The following DCP2 variants were observed in gnomAD, a reference collection of about 807,000 sequenced individuals.
DCP2 encodes m7GpppN-mRNA hydrolase.
DCP2 carries 30 observed loss-of-function variants against 56.1 expected under a neutral mutation model. The observed-to-expected ratio is 0.53, with a 90% CI of 0.40 to 0.73. The LOEUF (loss-of-function observed/expected upper bound fraction) is 0.73. DCP2 is among the 30% of genes least tolerant of loss of function. DCP2 has a pLI of 0.00. For missense variants in DCP2, 533 were observed against 502.7 expected, an observed-to-expected ratio of 1.06 and a Z score of -0.58; for synonymous variants, 197 against 163.3, an observed-to-expected ratio of 1.21 and a Z score of -1.57.
At chr5:112,981,839 C>T (rs887027709) in intron 1 of DCP2, among the ~76,000 whole-genome samples, 2 of 152,140 alleles carry the variant, frequency 1.3e-5, no homozygotes, top group African/African-American at 4.8e-5. Flanking sequence ...GATGTGGTCT[C>T]AGCTCACTGC....
At chr5:113,013,112 A>G (rs1378663396) in intron 10 of DCP2, among the ~76,000 whole-genome samples, 1 of 152,226 alleles carries the variant, frequency 6.6e-6, no homozygotes, top group South Asian at 2.1e-4. Flanking sequence ...AAGATTTTGA[A>G]TATGTGGAAA....
chr5:112,984,780 C>T (rs187601918), intron 1 of DCP2: 1 of 145,506 alleles, frequency 6.9e-6, no homozygotes, highest in East Asian at 2.0e-4. Flanking sequence ...TCATAGCCCA[C>T]TGCAGCCTTG....
rs79046710 is a variant in DCP2, at chr5:112,986,060, C to T, written c.205+74C>T. ...TTTAGCACAAATTTCTTTTTGCTTG[C>T]CTTTTCAGATTTTAAAACTATTAGA... On this transcript the variant is annotated intron_variant, in intron 2 of 10. Transcript: ENST00000389063. The T allele has an allele frequency of 3.5e-3, 4,843 of 1,403,740 alleles. 121 individuals carry two copies. In the African/African-American group the frequency reaches 0.058, roughly 17 times the overall value. 87.0% of individuals were successfully genotyped at this position (1,403,740 alleles called of 1,614,324 possible).
chr5:113,019,008 A>T lies in DCP2; in HGVS notation c.*5524A>T, dbSNP rs561658834. 6.6e-6 allele frequency: 1 copy of T among 152,314 alleles called. No individual in the cohort carries two copies. The highest frequency in any genetic ancestry group is 2.4e-5 in the African/African-American group (1 of 41,552). The allele number at this position is 152,314 out of a possible 1,614,324, so 9.4% of individuals were successfully genotyped here. A position where few individuals can be genotyped will look rare whatever the true frequency, so the allele number is the denominator to read the frequency against. Reference sequence around the variant, plus strand: ...GACTTGTGTGTGGTTCTAGAGTGAAATGGGCAGTGTTCTGCTGGTCCTCAG... The same window carrying T: ...GACTTGTGTGTGGTTCTAGAGTGAATTGGGCAGTGTTCTGCTGGTCCTCAG... On this transcript the variant is annotated 3_prime_UTR_variant, in exon 11 of 11. Transcript: ENST00000389063.
chr5:113,005,151 G>GTGTGTGTGTGTGTGTGTGT (rs1749361092), intron 8 of DCP2, among the ~76,000 whole-genome samples: 8 of 149,420 alleles, frequency 5.4e-5, no homozygotes, highest in Middle Eastern at 3.2e-3. Context: ...TGTGCGTGTG[G>GTGTGTGTGTGTGTGTGTGT]GTGTGTGTGT....
At chr5:112,992,641 A>C in intron 3 of DCP2, 31 bp from the exon 4 acceptor site, 1 of 1,480,926 alleles carries the variant, frequency 6.8e-7, no homozygotes, top group Non-Finnish European at 9.2e-7. Flanking sequence ...AAGGAGGGCA[A>C]GTTTGATTTT....
At chr5:112,988,379 C>G (rs1428674695) in intron 2 of DCP2, among the ~76,000 whole-genome samples, 1 of 150,382 alleles carries the variant, frequency 6.6e-6, no homozygotes, top group Non-Finnish European at 1.5e-5. Context: ...GTAGTCCCAG[C>G]TACTCCGGAG....
chr5:112,996,354 A>AT (rs1336984955), intron 4 of DCP2, among the ~76,000 whole-genome samples: 1 of 151,756 alleles, frequency 6.6e-6, no homozygotes, highest in African/African-American at 2.4e-5. Context: ...ATGAGGAGAG[A>AT]TTTTGTTCTA....
chr5:113,018,671 T>A lies in DCP2; in HGVS notation c.*5187T>A, dbSNP rs1238536270. 1 of 152,268 alleles carries A rather than the reference T, an allele frequency of 6.6e-6. No homozygotes were observed. The highest frequency in any genetic ancestry group is 1.5e-5 in the Non-Finnish European group (1 of 68,066). 9.4% of individuals were successfully genotyped at this position (152,268 alleles called of 1,614,324 possible). On this transcript the variant is annotated 3_prime_UTR_variant, in exon 11 of 11. Transcript: ENST00000389063. The stretch of plus-strand genomic sequence containing the variant: ...GCAGGTGGTTGGGTGGTTTTTGGGT[T>A]ATTGGCTACTGTTCGTTCAGTGCCA...
Position 113,021,175 on chromosome 5 carries a change from C to G in DCP2, c.*7691C>G, listed in dbSNP as rs538443876. ...TGGGTGGATCACGAGGTCAGGAGTT[C>G]GAGACCAGCCTGACCAACATGGTGA... On this transcript the variant is annotated 3_prime_UTR_variant, in exon 11 of 11. Transcript: ENST00000389063. Among the ~76,000 whole-genome samples the G allele has an allele frequency of 4.6e-5, 7 of 152,000 alleles. No homozygotes were observed. In the East Asian group the frequency reaches 1.4e-3, roughly 29 times the overall value.
intron 7 of DCP2, among the ~76,000 whole-genome samples, chr5:113,002,024 G>C (rs534063540): frequency 1.3e-5 from 2 of 152,182 alleles, no homozygotes; most frequent in African/African-American, 2.4e-5. Flanking sequence ...TTCTAAAGAC[G>C]TTTGGATGGA....
At chr5:112,990,577 C>A (rs892056154) in intron 2 of DCP2, among the ~76,000 whole-genome samples, 6 of 151,980 alleles carry the variant, frequency 3.9e-5, no homozygotes, top group African/African-American at 1.5e-4. Flanking sequence ...AAGGCATGCA[C>A]TAATTATATT....
intron 9 of DCP2, chr5:113,008,411 A>C (rs1175239958): frequency 6.2e-6 from 1 of 160,374 alleles, no homozygotes; most frequent in Non-Finnish European, 1.4e-5. Context: ...AAGTTGATAG[A>C]GTTTAGAAAA....
chr5:112,993,769 C>T (rs558938479), intron 4 of DCP2, among the ~76,000 whole-genome samples: 1 of 152,066 alleles, frequency 6.6e-6, no homozygotes, highest in East Asian at 1.9e-4. Context: ...CCCTGAAGGA[C>T]TGCCACTGCC....
At chr5:112,989,180 G>A (rs1748454332) in intron 2 of DCP2, among the ~76,000 whole-genome samples, 1 of 152,120 alleles carries the variant, frequency 6.6e-6, no homozygotes, top group African/African-American at 2.4e-5. Flanking sequence ...GTGTTCAGTG[G>A]GAACAGAAGA....
rs1397654003 is a variant in DCP2 at position 113,021,907 on chromosome 5, A to G, written c.*8423A>G. Among the ~76,000 whole-genome samples, 1 of 152,174 alleles carries G rather than the reference A, an allele frequency of 6.6e-6. No homozygotes were observed. The highest frequency in any genetic ancestry group is 1.5e-5 in the Non-Finnish European group (1 of 68,024). ...AACTTCCTATTTATGCCAAATTTTA[A>G]AAAGCCAACTAAAAATGGGCTATAA... On this transcript the variant is annotated 3_prime_UTR_variant, in exon 11 of 11. Transcript: ENST00000389063.
intron 9 of DCP2, among the ~76,000 whole-genome samples, chr5:113,010,096 G>A (rs527766232): frequency 4.0e-5 from 6 of 149,130 alleles, no homozygotes; most frequent in Non-Finnish European, 7.4e-5. Context: ...GTGGTGGTGC[G>A]ATCTTGGCTC....
At position 113,015,068 on chromosome 5, in the gene DCP2, T is replaced by C. The variant is rs1035710737; in HGVS notation, c.*1584T>C. On this transcript the variant is annotated 3_prime_UTR_variant, in exon 11 of 11. Transcript: ENST00000389063. ...AATTAAAGCAGTGTGTATAGAATTA[T>C]GATATTCAGAATCCTGCATCTTTTA... 2.6e-5 allele frequency: 4 copies of C among 152,686 alleles called. No individual in the cohort carries two copies. The highest frequency in any genetic ancestry group is 5.9e-5 in the Non-Finnish European group (4 of 68,042). The allele number at this position is 152,686 out of a possible 1,614,324, so 9.5% of individuals were successfully genotyped here.
chr5:113,010,959 T>A, intron 10 of DCP2, 152 bp downstream of exon 10: 1 of 755,352 alleles, frequency 1.3e-6, no homozygotes. Flanking sequence ...TGTAGAGTTC[T>A]CTAAGAAACT....
Sources: allele counts gnomAD v4.1 joint callset (sites outside exome capture counted in the v4.1 genomes callset), GRCh38; gene constraint gnomAD v4.1.1; transcripts MANE v1.5; gene names NCBI Gene and HGNC (gene_info 2026-07-23, HGNC 2026-07-21).